GLS: variants seen among roughly 807,000 people sequenced by gnomAD.
GLS encodes glutaminase kidney isoform, mitochondrial.
In GLS, 36 loss-of-function variants were observed where a neutral mutation model predicts 86.7. The ratio of observed to expected loss-of-function variants is 0.42; its 90% confidence interval spans 0.32 to 0.55. The LOEUF is 0.55. Among genes scored for constraint, GLS ranks in the 20% least tolerant of loss-of-function variants. The probability of loss-of-function intolerance (pLI) is 0.17; values close to 1 mark genes in which losing one functional copy is unlikely to be tolerated. For missense variants in GLS, 528 were observed against 833.4 expected (o/e 0.63, Z 4.51); for synonymous variants, 317 against 305.9 (o/e 1.04, Z -0.38).
At chr2:190,917,075 T>G (rs762873835) in intron 7 of GLS, among the ~76,000 whole-genome samples, 5 of 152,224 alleles carry the variant, frequency 3.3e-5, no homozygotes, top group Non-Finnish European at 7.3e-5. Context: ...TGACTCTTAC[T>G]TTTATGAAAG....
At chr2:190,881,707 G>C in intron 1 of GLS, 1 of 457,416 alleles carries the variant, frequency 2.2e-6, no homozygotes, top group Non-Finnish European at 3.9e-6. Flanking sequence ...GGCGGGGGTC[G>C]CCCTGGTGGG....
rs1249646668 is a variant in GLS at position 190,949,375 on chromosome 2, G to T, written c.1651-4190G>T. 2.0e-5 allele frequency among the ~76,000 whole-genome samples: 3 copies of T among 152,148 alleles called. No individual in the cohort carries two copies. Among genetic ancestry groups the T allele is most frequent in the African/African-American group, 7.2e-5 (3 of 41,440 alleles). Reference sequence around the variant, plus strand: ...ATCAGTTAATGATTGAATAAATCTTGTAATGATATTCAAAGATGTAAAAGT... The same window carrying T: ...ATCAGTTAATGATTGAATAAATCTTTTAATGATATTCAAAGATGTAAAAGT... On this transcript the variant is annotated intron_variant, in intron 14 of 17. Coordinates refer to ENST00000320717, the MANE Select transcript of GLS (RefSeq NM_014905.5). The surrounding 1 kb of genome is among the most constrained non-coding windows in gnomAD (Gnocchi z 4.0).
chr2:190,927,646 A>C (rs1689943248), intron 12 of GLS, 164 bp downstream of exon 12: 1 of 543,562 alleles, frequency 1.8e-6, no homozygotes, highest in South Asian at 2.4e-5. Flanking sequence ...AATAGAGATA[A>C]GGTCTACCAG....
Position 190,913,204 on chromosome 2 carries a change from A to C in GLS, c.1038+2883A>C. 1 of 1,298,384 alleles carries C rather than the reference A, an allele frequency of 7.7e-7. No individual in the cohort carries two copies. The highest frequency in any genetic ancestry group is 1.0e-6 in the Non-Finnish European group (1 of 983,688). The allele number at this position is 1,298,384 out of a possible 1,614,324, so 80.4% of individuals were successfully genotyped here. The stretch of plus-strand genomic sequence containing the variant: ...TTTTTTCCTTGTAGGATTGGTGGTG[A>C]TCCTCAGGAAATGGGGGAAGAGGCA... On this transcript the variant is annotated intron_variant, in intron 7 of 17. Transcript: ENST00000320717. This position sits in a 1 kb window ranked among gnomAD's most constrained non-coding sequence, Gnocchi z 6.1.
At chr2:190,926,547 A>G (rs1367229622) in intron 11 of GLS, among the ~76,000 whole-genome samples, 2 of 152,130 alleles carry the variant, frequency 1.3e-5, no homozygotes, top group African/African-American at 4.8e-5. Flanking sequence ...TTTGCTTACT[A>G]TTAGCTAAAA....
intron 14 of GLS, among the ~76,000 whole-genome samples, chr2:190,941,956 TCTG>T (rs764696273): frequency 6.6e-6 from 1 of 152,064 alleles, no homozygotes; most frequent in Non-Finnish European, 1.5e-5. Context: ...CCCAGGTGCT[TCTG>T]CTGTAGGTTG....
Position 190,895,752 on chromosome 2 carries a change from G to C in GLS, c.605+27G>C, listed in dbSNP as rs757651996. The C allele has an allele frequency of 2.6e-6, 4 of 1,565,018 alleles. No individual in the cohort carries two copies. The highest frequency in any genetic ancestry group is 2.6e-6 in the Non-Finnish European group (3 of 1,147,400). ...TAAAAGTTTCTGCCAAACCTTTAATGGTGATTTGCTATGCTATACGGTGAT... is the reference window on the plus strand; with the variant it reads ...TAAAAGTTTCTGCCAAACCTTTAATCGTGATTTGCTATGCTATACGGTGAT... On this transcript the variant is annotated intron_variant, in intron 3 of 17. Transcript: ENST00000320717. The surrounding 1 kb of genome is among the most constrained non-coding windows in gnomAD (Gnocchi z 4.2).
rs767267299 is a variant in GLS at position 190,902,027 on chromosome 2, GT to G, written c.815+2del. On this transcript the variant is annotated splice_donor_variant, in intron 5 of 17. Transcript: ENST00000320717. LOFTEE classifies it high-confidence loss of function. ...CTGTTTGTACAGTAGATGGACAGAGGTAAGTTTATTTCAAATTCATGAAAAC... is the reference window on the plus strand; with the variant it reads ...CTGTTTGTACAGTAGATGGACAGAGGAAGTTTATTTCAAATTCATGAAAAC... The G allele has an allele frequency of 6.3e-7, 1 of 1,592,232 alleles. No homozygotes were observed. The highest frequency in any genetic ancestry group is 8.6e-7 in the Non-Finnish European group (1 of 1,160,256).
chr2:190,916,950 G>A (rs940591370), intron 7 of GLS, among the ~76,000 whole-genome samples: 1 of 152,182 alleles, frequency 6.6e-6, no homozygotes, highest in African/African-American at 2.4e-5. Flanking sequence ...TTTGCTGGTG[G>A]AAGGTCTTGT....
chr2:190,930,685 C>T lies in GLS; in HGVS notation c.1557+117C>T. 4 of 872,024 alleles carry T rather than the reference C, an allele frequency of 4.6e-6. No homozygotes were observed. Among genetic ancestry groups the T allele is most frequent in the Non-Finnish European group, 6.9e-6 (4 of 577,110 alleles). 54.0% of individuals were successfully genotyped at this position (872,024 alleles called of 1,614,324 possible). A position where few individuals can be genotyped will look rare whatever the true frequency, so the allele number is the denominator to read the frequency against. ...TCTTGGCCCTCCGCCTATAGTGTGC[C>T]AGTTACTAGGGAGCCGTGGAAATAC... On this transcript the variant is annotated intron_variant, in intron 13 of 17. Transcript: ENST00000320717. This position sits in a 1 kb window ranked among gnomAD's most constrained non-coding sequence, Gnocchi z 5.0.
At chr2:190,929,991 G>T (rs796345005) in intron 12 of GLS, among the ~76,000 whole-genome samples, 1 of 151,558 alleles carries the variant, frequency 6.6e-6, no homozygotes, top group African/African-American at 2.4e-5. Flanking sequence ...GACTACAGGC[G>T]TGCACTTTGG....
chr2:190,903,078 G>GT (rs1296538906), intron 5 of GLS, among the ~76,000 whole-genome samples: 2 of 152,112 alleles, frequency 1.3e-5, no homozygotes, highest in African/African-American at 4.8e-5. Flanking sequence ...TGTTGCCCAG[G>GT]TTAGTTTTGA....
At position 190,935,465 on chromosome 2, in the gene GLS, T is replaced by A. The variant is rs896255783; in HGVS notation, c.1650+3828T>A. Among the ~76,000 whole-genome samples, 7 of 151,348 alleles carry A rather than the reference T, an allele frequency of 4.6e-5. No individual in the cohort carries two copies. The highest frequency in any genetic ancestry group is 1.0e-4 in the Non-Finnish European group (7 of 67,386). ...GTAAACTAGAAATATTCAAAAGGGC[T>A]TTATTTGATTTTTTAAAATGCAATA... On this transcript the variant is annotated intron_variant, in intron 14 of 17. Transcript: ENST00000320717. The surrounding 1 kb of genome is among the most constrained non-coding windows in gnomAD (Gnocchi z 4.2).
chr2:190,883,593 C>T (rs775730715), intron 1 of GLS, among the ~76,000 whole-genome samples: 12 of 152,202 alleles, frequency 7.9e-5, no homozygotes, highest in Non-Finnish European at 1.8e-4. Context: ...ATTGCTTCTT[C>T]ATTATTGTAA....
chr2:190,891,396 A>G (rs1688555582), intron 1 of GLS, among the ~76,000 whole-genome samples: 1 of 152,058 alleles, frequency 6.6e-6, no homozygotes, highest in South Asian at 2.1e-4. Context: ...AAGTCCTGTG[A>G]AACAATTGAA....
Position 190,964,116 on chromosome 2 carries a change from T to A in GLS, c.*1130T>A, listed in dbSNP as rs915571265. ...TTCTATTGTGTAATTCTTGGTGGGC[T>A]CTGTAGTTTAATAATAAGAAAAAGG... On this transcript the variant is annotated 3_prime_UTR_variant, in exon 18 of 18. Coordinates refer to ENST00000320717, the MANE Select transcript of GLS (RefSeq NM_014905.5). The surrounding 1 kb of genome is among the most constrained non-coding windows in gnomAD (Gnocchi z 5.2). 5.9e-5 allele frequency: 9 copies of A among 152,212 alleles called. No individual in the cohort carries two copies. Among genetic ancestry groups the A allele is most frequent in the Non-Finnish European group, 1.0e-4 (7 of 68,018 alleles). 9.4% of individuals were successfully genotyped at this position (152,212 alleles called of 1,614,324 possible). A position where few individuals can be genotyped will look rare whatever the true frequency, so the allele number is the denominator to read the frequency against.
rs1689824852 is a variant in GLS at position 190,923,988 on chromosome 2, T to C, written c.1197+5T>C. 2.2e-6 allele frequency: 3 copies of C among 1,358,510 alleles called. No individual in the cohort carries two copies. Among genetic ancestry groups the C allele is most frequent in the Non-Finnish European group, 3.1e-6 (3 of 963,140 alleles). The allele number at this position is 1,358,510 out of a possible 1,614,324, so 84.2% of individuals were successfully genotyped here. A position where few individuals can be genotyped will look rare whatever the true frequency, so the allele number is the denominator to read the frequency against. ...TATTACTTAAAAGAAAAGAAGGTTT[T>C]TAAATTTTTGTTTCTATTTCAAATT... On this transcript the variant is annotated splice_donor_5th_base_variant and intron_variant, in intron 10 of 17. Coordinates refer to ENST00000320717, the MANE Select transcript of GLS (RefSeq NM_014905.5).
Position 190,913,521 on chromosome 2 carries a change from A to G in GLS, c.1038+3200A>G. 1.0e-6 allele frequency: 1 copy of G among 964,706 alleles called. No homozygotes were observed. The highest frequency in any genetic ancestry group is 4.8e-5 in the South Asian group (1 of 20,844). 59.8% of individuals were successfully genotyped at this position (964,706 alleles called of 1,614,324 possible). On this transcript the variant is annotated intron_variant, in intron 7 of 17. Coordinates refer to ENST00000320717, the MANE Select transcript of GLS (RefSeq NM_014905.5). This position sits in a 1 kb window ranked among gnomAD's most constrained non-coding sequence, Gnocchi z 6.1. ...GTAATCTGTTTTATTTGGGATTGTG[A>G]TAATGTGTGATTGCTTGATTAAAAG...
intron 14 of GLS, chr2:190,932,595 A>ATTT (rs1164948809): frequency 1.5e-6 from 1 of 654,800 alleles, no homozygotes. Flanking sequence ...GCAAAATGTC[A>ATTT]GAGGTGGTGG....
Sources: gnomAD v4.1 joint callset for allele counts (sites outside exome capture counted in the v4.1 genomes callset) on GRCh38, gnomAD v4.1.1 for gene constraint, Gnocchi (gnomAD v3.1) non-coding constraint, MANE v1.5 for transcripts, NCBI Gene and HGNC (gene_info 2026-07-23, HGNC 2026-07-21) for gene names.